Variants in OR8B3 observed in about 807,000 individuals in gnomAD.
The protein encoded by OR8B3 is olfactory receptor 8B3.
For synonymous variants in OR8B3, 102 were observed against 135.4 expected (o/e 0.75, Z 1.71); for missense variants, 278 against 377.6 (o/e 0.74, Z 2.19).
intron 1 of OR8B3, 85 bp downstream of exon 1, chr11:124,398,605 C>T (rs901499097): frequency 6.6e-6 from 1 of 152,188 alleles, no homozygotes; most frequent in African/African-American, 2.4e-5. Context: ...CTCCATACCA[C>T]TAAGTTTCTT....
chr11:124,403,533 G>A (rs548021477), upstream of OR8B3, among the ~76,000 whole-genome samples: 1,707 of 151,596 alleles, frequency 0.011, 27 homozygotes, highest in African/African-American at 0.039. Context: ...GGGCAGAGGC[G>A]CTCCCCACAT....
Position 124,396,665 on chromosome 11 carries a change from T to A in OR8B3, c.687A>T (p.Lys229Asn), listed in dbSNP as rs748617455. 6.2e-7 allele frequency: 1 copy of A among 1,612,440 alleles called. No individual in the cohort carries two copies. The highest frequency in any genetic ancestry group is 1.3e-5 in the African/African-American group (1 of 74,736). ...AGGCTTTTGATCTTCCTTGAGTGGA[T>A]TTGATATGAAGAATGCTAGTGACAA... ...VFIVTSILHI[K>N]STQGRSKAFS... is the part of the protein sequence containing the mutation. The change falls in exon 2 of 2, where the codon AAA (lysine) becomes AAT (asparagine). Residue 229 changes from lysine (K) to asparagine (N), a missense_variant. Transcript: ENST00000641139.
chr11:124,400,294 C>T (rs1472730443), upstream of OR8B3, among the ~76,000 whole-genome samples: 1 of 152,116 alleles, frequency 6.6e-6, no homozygotes, highest in African/African-American at 2.4e-5. Flanking sequence ...AAATTAAGAT[C>T]ATTAACACAC....
the OR8B3 span, among the ~76,000 whole-genome samples, chr11:124,406,225 T>C: frequency 6.6e-6 from 1 of 152,322 alleles, no homozygotes. Context: ...CTGCACTTCC[T>C]GTGAGATTTT....
rs1565350111 is a variant in OR8B3 at position 124,396,066 on chromosome 11, T to C, written c.*344A>G. The C allele has an allele frequency of 5.4e-6, 1 of 185,240 alleles. No homozygotes were observed. Among genetic ancestry groups the C allele is most frequent in the East Asian group, 1.4e-4 (1 of 7,142 alleles). 11.5% of individuals were successfully genotyped at this position (185,240 alleles called of 1,614,324 possible). On this transcript the variant is annotated 3_prime_UTR_variant, in exon 2 of 2. Transcript: ENST00000641139. ...CTATCATATTTGGCACTTCTGAGTTTAGGTGAGAAAGCCGTGACTTTGACA... is the reference window on the plus strand; with the variant it reads ...CTATCATATTTGGCACTTCTGAGTTCAGGTGAGAAAGCCGTGACTTTGACA...
At chr11:124,402,002 A>T (rs904811083), upstream of OR8B3, among the ~76,000 whole-genome samples, 1 of 152,218 alleles carries the variant, frequency 6.6e-6, no homozygotes, top group Non-Finnish European at 1.5e-5. Flanking sequence ...TGTGAAATAG[A>T]ACAGTGAGTA....
At chr11:124,408,179 A>G in the OR8B3 span, among the ~76,000 whole-genome samples, 1 of 152,180 alleles carries the variant, frequency 6.6e-6, no homozygotes, top group Non-Finnish European at 1.5e-5. Context: ...TTGTTTTGTA[A>G]TTTTTAAAAT....
intron 1 of OR8B3, among the ~76,000 whole-genome samples, chr11:124,398,261 C>G (rs1045681605): frequency 7.7e-6 from 1 of 129,574 alleles, no homozygotes; most frequent in Non-Finnish European, 1.6e-5. Flanking sequence ...CTCCTCTATT[C>G]CATCCTAGCT....
upstream of OR8B3, among the ~76,000 whole-genome samples, chr11:124,403,736 C>T (rs986237189): frequency 2.4e-4 from 36 of 152,320 alleles, no homozygotes; most frequent in African/African-American, 6.5e-4. Flanking sequence ...GCTGCAATCT[C>T]GGCACTTTGG....
At chr11:124,409,319 AG>A in the OR8B3 span, among the ~76,000 whole-genome samples, 1 of 152,262 alleles carries the variant, frequency 6.6e-6, no homozygotes, top group Non-Finnish European at 1.5e-5. Flanking sequence ...ACATTAAGAA[AG>A]ATCTGTGTTT....
In OR8B3 at chr11:124,396,423, C is replaced by A; in HGVS notation, c.929G>T (p.Arg310Ile). Residue 310 changes from arginine to isoleucine, a missense_variant, in exon 2 of 2, where the codon AGA becomes ATA. By Grantham distance (97) the Arg-to-Ile change is moderately conservative (BLOSUM62 -3). Coordinates refer to ENST00000641139, the MANE Select transcript of OR8B3 (RefSeq NM_001005467.2). ...TACTGCTTCTAATTAGAATATATTTCTTCTCTGAATTTTAATCAGAGCTTT... is the reference window on the plus strand; with the variant it reads ...TACTGCTTCTAATTAGAATATATTTATTCTCTGAATTTTAATCAGAGCTTT... ...LRKALIKIQR[R>I]NIF 4 of 1,599,646 alleles carry A rather than the reference C, an allele frequency of 2.5e-6. No homozygotes were observed. The highest frequency in any genetic ancestry group is 3.4e-6 in the Non-Finnish European group (4 of 1,175,610).
In OR8B3 at chr11:124,396,604, G is replaced by C. The variant is rs760524644; in HGVS notation, c.748C>G (p.Leu250Val). The C allele has an allele frequency of 2.5e-6, 4 of 1,612,718 alleles. No homozygotes were observed. The highest frequency in any genetic ancestry group is 3.4e-6 in the Non-Finnish European group (4 of 1,179,436). Residue 250 changes from leucine (L) to valine (V), a missense_variant, in exon 2 of 2, where the codon CTG becomes GTG. By Grantham distance (32) the Leu-to-Val change is conservative. Transcript: ENST00000641139. The part of the protein sequence containing the change: ...TCSSHVIALS[L>V]FFGSAAFMYI... ...ATGAATGCCGCTGACCCAAAAAACA[G>C]AGACAGAGCAATGACATGAGAGCTA...
In OR8B3 at chr11:124,396,403, C is replaced by T; in HGVS notation, c.*7G>A. ...CTTCAATCGTTTTACATTATTACTG[C>T]TTCTAATTAGAATATATTTCTTCTC... On this transcript the variant is annotated 3_prime_UTR_variant, in exon 2 of 2. Transcript: ENST00000641139. 6.3e-7 allele frequency: 1 copy of T among 1,585,640 alleles called. No individual in the cohort carries two copies. The highest frequency in any genetic ancestry group is 8.6e-7 in the Non-Finnish European group (1 of 1,169,534).
upstream of OR8B3, among the ~76,000 whole-genome samples, chr11:124,402,835 C>CT (rs200472893): frequency 0.48 from 71,752 of 148,062 alleles, 17,481 homozygotes; most frequent in East Asian, 0.6. Context: ...AATGATGCTT[C>CT]TTTTTTTTTT....
the OR8B3 span, among the ~76,000 whole-genome samples, chr11:124,406,718 G>A: frequency 6.6e-6 from 1 of 151,480 alleles, no homozygotes; most frequent in African/African-American, 2.4e-5. Flanking sequence ...TTCACCTCCT[G>A]ATTGGATTAC....
chr11:124,399,748 G>C (rs1860958315), upstream of OR8B3, among the ~76,000 whole-genome samples: 1 of 152,124 alleles, frequency 6.6e-6, no homozygotes. Flanking sequence ...AATTGACATA[G>C]GTTCAATAAT....
chr11:124,400,625 G>T (rs1256001913), upstream of OR8B3, among the ~76,000 whole-genome samples: 1 of 152,012 alleles, frequency 6.6e-6, no homozygotes, highest in East Asian at 1.9e-4. Context: ...GGAAGCCTTG[G>T]CCTCCTGGAC....
At position 124,396,602 on chromosome 11, in the gene OR8B3, CAG is replaced by C. The variant is rs1356420683; in HGVS notation, c.748_749del (p.Leu250ValfsTer11). 1 of 1,612,658 alleles carries C rather than the reference CAG, an allele frequency of 6.2e-7. No homozygotes were observed. The highest frequency in any genetic ancestry group is 1.3e-5 in the African/African-American group (1 of 74,650). ...TCSSHVIALSLFFGSAAFMYI... is the reference protein window; with the variant it reads ...TCSSHVIALSXFFGSAAFMYI... The stretch of plus-strand genomic sequence containing the variant: ...ACATGAATGCCGCTGACCCAAAAAA[CAG>C]AGACAGAGCAATGACATGAGAGCTA... On this transcript the variant is annotated frameshift_variant, in exon 2 of 2. Transcript: ENST00000641139. LOFTEE classifies it low-confidence loss of function (END_TRUNC).
the OR8B3 span, among the ~76,000 whole-genome samples, chr11:124,409,806 A>C: frequency 6.6e-6 from 1 of 152,344 alleles, no homozygotes; most frequent in Admixed American, 6.5e-5. Flanking sequence ...AGAGAAATAC[A>C]GTTGAACTCA....
Sources: allele counts gnomAD v4.1 joint callset (sites outside exome capture counted in the v4.1 genomes callset), GRCh38; gene constraint gnomAD v4.1.1; transcripts MANE v1.5; gene names NCBI Gene and HGNC (gene_info 2026-07-23, HGNC 2026-07-21).